PCDH9: variants seen among roughly 807,000 people sequenced by gnomAD.
PCDH9 encodes the protein protocadherin-9.
Under a neutral mutation model 70.6 loss-of-function variants are expected in PCDH9, and 24 were observed. That is an observed-to-expected ratio of 0.34 (90% CI 0.25 to 0.48). The LOEUF is 0.48. Among genes scored for constraint, PCDH9 ranks in the 20% least tolerant of loss-of-function variants. The pLI is 0.99. For missense variants in PCDH9, 1,281 were observed against 1,503.6 expected, an observed-to-expected ratio of 0.85 and a Z score of 2.45; for synonymous variants, 562 against 558.5, an observed-to-expected ratio of 1.01 and a Z score of -0.09.
At chr13:66,771,433 T>A (rs906658715) in intron 3 of PCDH9, among the ~76,000 whole-genome samples, 1 of 152,198 alleles carries the variant, frequency 6.6e-6, no homozygotes, top group Non-Finnish European at 1.5e-5. Flanking sequence ...TCGTAAATAG[T>A]TTGCCATGGT....
chr13:67,189,843 C>T lies in PCDH9; in HGVS notation c.3036+35562G>A, dbSNP rs111617447. ...GAATAAGAAGTTACTTAGGCTAATGCTTCAAGGAAAAAGTGCTTTGTCTTC... is the reference window on the plus strand; with the variant it reads ...GAATAAGAAGTTACTTAGGCTAATGTTTCAAGGAAAAAGTGCTTTGTCTTC... On this transcript the variant is annotated intron_variant, in intron 2 of 4. Coordinates refer to ENST00000377865, the MANE Select transcript of PCDH9 (RefSeq NM_203487.3). Among the ~76,000 whole-genome samples, 1,480 of 151,496 alleles carry T rather than the reference C, an allele frequency of 9.8e-3. 24 individuals carry two copies. Among genetic ancestry groups the T allele is most frequent in the African/African-American group, 0.034 (1,407 of 41,362 alleles).
chr13:66,610,920 ATAGT>A (rs2077286839), intron 4 of PCDH9, among the ~76,000 whole-genome samples: 1 of 152,146 alleles, frequency 6.6e-6, no homozygotes, highest in Non-Finnish European at 1.5e-5. Context: ...CAGACTGTGC[ATAGT>A]CTAAGACTCC....
intron 4 of PCDH9, among the ~76,000 whole-genome samples, chr13:66,331,281 T>C (rs1163385802): frequency 6.6e-6 from 1 of 152,146 alleles, no homozygotes; most frequent in African/African-American, 2.4e-5. Context: ...ATTACAGTCA[T>C]GTCTCATTGT....
At chr13:66,504,976 G>C (rs1174869547) in intron 4 of PCDH9, among the ~76,000 whole-genome samples, 1 of 151,942 alleles carries the variant, frequency 6.6e-6, no homozygotes, top group African/African-American at 2.4e-5. Context: ...TGGCTTCCAG[G>C]TATATCTCAG....
Position 66,304,825 on chromosome 13 carries a change from C to A in PCDH9, c.3544G>T (p.Ala1182Ser). Residue 1182 changes from alanine to serine, a missense_variant, in exon 5 of 5, where the codon GCC (alanine) becomes TCC (serine). Ala to Ser is a moderately conservative substitution (Grantham distance 99). Around this residue, in one of 4 missense-constraint regions of PCDH9, gnomAD observed 264 missense variants for 278.8 expected, o/e 0.95. Transcript: ENST00000377865. ...KLVNGHTLTR[A>S]WKEDSNRNQF... ...TTCCTGTTGCTGTCTTCTTTCCAGG[C>A]TCTGGTCAGGGTGTGCCCATTCACA... 1 of 1,613,534 alleles carries A rather than the reference C, an allele frequency of 6.2e-7. No individual in the cohort carries two copies. Among genetic ancestry groups the A allele is most frequent in the Non-Finnish European group, 8.5e-7 (1 of 1,179,722 alleles).
chr13:66,306,162 A>C (rs1468440601), intron 4 of PCDH9: 1 of 152,042 alleles, frequency 6.6e-6, no homozygotes, highest in Non-Finnish European at 1.5e-5. Flanking sequence ...AAATGCAGAA[A>C]AAAGTAAACA....
At chr13:66,415,239 C>T (rs1957441968) in intron 4 of PCDH9, among the ~76,000 whole-genome samples, 1 of 152,126 alleles carries the variant, frequency 6.6e-6, no homozygotes. Context: ...CCTCACCTTT[C>T]TAATCAAATT....
chr13:66,779,849 C>CTCTCTATATA lies in PCDH9; in HGVS notation c.3138+123654_3138+123655insTATATAGAGA, dbSNP rs1395244975. ...TCTCTCTCTCTCTCTCTCTCTCTCT[C>CTCTCTATATA]TATATATATATATATATACATATAT... On this transcript the variant is annotated intron_variant, in intron 3 of 4. Transcript: ENST00000377865. Among the ~76,000 whole-genome samples the CTCTCTATATA allele has an allele frequency of 4.9e-3, 386 of 78,890 alleles. 2 individuals carry two copies. Among genetic ancestry groups the CTCTCTATATA allele is most frequent in the African/African-American group, 0.014 (278 of 19,394 alleles). The allele number at this position is 78,890 out of a possible 152,430, so 51.8% of individuals were successfully genotyped here.
At chr13:66,335,359 T>G (rs1228109540) in intron 4 of PCDH9, among the ~76,000 whole-genome samples, 1 of 152,164 alleles carries the variant, frequency 6.6e-6, no homozygotes, top group African/African-American at 2.4e-5. Flanking sequence ...TTCTACATGC[T>G]TAATAATATT....
Position 66,612,028 on chromosome 13 carries a change from A to C in PCDH9, c.3340+19182T>G, listed in dbSNP as rs117570111. Among the ~76,000 whole-genome samples the C allele has an allele frequency of 3.0e-3, 457 of 152,304 alleles. 2 individuals are homozygous for C. Among genetic ancestry groups the C allele is most frequent in the Non-Finnish European group, 5.6e-3 (378 of 68,012 alleles). ...TAAAAGTGTATTTTATGGATTCTCC[A>C]TGGATATATTTGCTGGGATATTTAA... On this transcript the variant is annotated intron_variant, in intron 4 of 4. Coordinates refer to ENST00000377865, the MANE Select transcript of PCDH9 (RefSeq NM_203487.3).
intron 4 of PCDH9, among the ~76,000 whole-genome samples, chr13:66,467,980 G>C (rs897598783): frequency 6.6e-6 from 1 of 151,916 alleles, no homozygotes; most frequent in Non-Finnish European, 1.5e-5. Flanking sequence ...GTAACACTTT[G>C]TCATCTGCCC....
rs148189565 is a variant in PCDH9, at chr13:67,135,197, C to A, written c.3036+90208G>T. Among the ~76,000 whole-genome samples, 735 of 152,098 alleles carry A rather than the reference C, an allele frequency of 4.8e-3. 9 individuals carry two copies. The highest frequency in any genetic ancestry group is 0.016 in the African/African-American group (673 of 41,486). ...AAGATGCAGCACACTTTCAGAAACA[C>A]CAAAATGTATGTTGTGAATTGTTAA... On this transcript the variant is annotated intron_variant, in intron 2 of 4. Coordinates refer to ENST00000377865, the MANE Select transcript of PCDH9 (RefSeq NM_203487.3).
intron 3 of PCDH9, among the ~76,000 whole-genome samples, chr13:66,655,602 A>T (rs372683218): frequency 6.6e-6 from 1 of 152,200 alleles, no homozygotes; most frequent in South Asian, 2.1e-4. Flanking sequence ...TCAAGGGAAT[A>T]TATATATTTA....
chr13:66,807,784 T>C (rs1221520595), intron 3 of PCDH9, among the ~76,000 whole-genome samples: 17 of 152,244 alleles, frequency 1.1e-4, no homozygotes, highest in African/African-American at 2.4e-5. Flanking sequence ...TAAAGTACAA[T>C]GTCTTAATTG....
chr13:67,147,479 C>A (rs982955157), intron 2 of PCDH9, among the ~76,000 whole-genome samples: 1 of 152,166 alleles, frequency 6.6e-6, no homozygotes, highest in East Asian at 1.9e-4. Context: ...GTCTTCAGCT[C>A]TCCTGTTCAG....
chr13:66,934,972 G>A (rs1394739531), intron 2 of PCDH9, among the ~76,000 whole-genome samples: 1 of 151,386 alleles, frequency 6.6e-6, no homozygotes, highest in African/African-American at 2.4e-5. Context: ...CGCCCGCCTC[G>A]GCCTCCCAAA....
chr13:66,969,344 T>C (rs1225949053), intron 2 of PCDH9, among the ~76,000 whole-genome samples: 1 of 152,030 alleles, frequency 6.6e-6, no homozygotes, highest in Non-Finnish European at 1.5e-5. Flanking sequence ...GTGGACACTT[T>C]CCATTTCAAT....
chr13:66,538,258 A>G (rs1051621323), intron 4 of PCDH9, among the ~76,000 whole-genome samples: 2 of 152,172 alleles, frequency 1.3e-5, no homozygotes, highest in African/African-American at 4.8e-5. Flanking sequence ...AAGACTGGGG[A>G]AACATCTACA....
intron 3 of PCDH9, among the ~76,000 whole-genome samples, chr13:66,783,119 GT>G (rs2080025885): frequency 6.6e-6 from 1 of 152,024 alleles, no homozygotes; most frequent in African/African-American, 2.4e-5. Flanking sequence ...TTTTTATCTA[GT>G]ACATATCTTC....
Sources: gnomAD v4.1 joint callset for allele counts (sites outside exome capture counted in the v4.1 genomes callset) on GRCh38, gnomAD v4.1.1 for gene constraint, gnomAD v4.1.1 regional missense constraint, MANE v1.5 for transcripts, NCBI Gene and HGNC (gene_info 2026-07-23, HGNC 2026-07-21) for gene names.